The following MIA2 variants were observed in gnomAD, a reference collection of about 807,000 sequenced individuals.
MIA2 encodes the protein melanoma inhibitory activity protein 2.
A neutral mutation model predicts 167.8 loss-of-function variants in MIA2; 127 were observed. The observed-to-expected ratio is 0.76, with a 90% CI of 0.66 to 0.88. The LOEUF (loss-of-function observed/expected upper bound fraction) is 0.88, where lower values mean the gene tolerates loss of function less well. Among genes scored for constraint, MIA2 ranks in the 40% least tolerant of loss-of-function variants. The pLI is 0.00. For missense variants in MIA2, 1,690 were observed against 1,624.7 expected, an observed-to-expected ratio of 1.04 and a Z score of -0.69; for synonymous variants, 552 against 541.9, an observed-to-expected ratio of 1.02 and a Z score of -0.26.
chr14:39,368,285 A>G (rs762824589), intron 23 of MIA2, among the ~76,000 whole-genome samples: 22 of 152,182 alleles, frequency 1.4e-4, no homozygotes, highest in Non-Finnish European at 2.8e-4. Context: ...AGGAAGAAAA[A>G]TTGGGTGTAA....
chr14:39,278,659 A>G (rs1280908404), intron 7 of MIA2, among the ~76,000 whole-genome samples: 1 of 152,210 alleles, frequency 6.6e-6, no homozygotes. Flanking sequence ...CTATGGCCCT[A>G]TGGTAACATT....
intron 23 of MIA2, among the ~76,000 whole-genome samples, chr14:39,356,716 G>A (rs933275898): frequency 1.6e-4 from 24 of 152,170 alleles, no homozygotes; most frequent in Non-Finnish European, 2.9e-4. Flanking sequence ...TCTACACACT[G>A]CTTTGAATGT....
intron 18 of MIA2, among the ~76,000 whole-genome samples, 182 bp downstream of exon 18, chr14:39,308,769 G>GT (rs1291953273): frequency 2.0e-5 from 3 of 152,196 alleles, no homozygotes; most frequent in African/African-American, 4.8e-5. Context: ...AGAAAATATT[G>GT]TAAGTGATGT....
chr14:39,376,020 C>T (rs931628142), intron 23 of MIA2, among the ~76,000 whole-genome samples: 3 of 152,140 alleles, frequency 2.0e-5, no homozygotes, highest in African/African-American at 7.2e-5. Context: ...GTGGCACAAC[C>T]TCAGCTCACT....
At chr14:39,251,288 G>T (rs1426228186) in intron 4 of MIA2, among the ~76,000 whole-genome samples, 4 of 149,920 alleles carry the variant, frequency 2.7e-5, no homozygotes, top group African/African-American at 1.0e-4. Context: ...TTTACAAAAG[G>T]ATTCCAATTG....
At chr14:39,360,458 T>C (rs1320366163) in intron 23 of MIA2, among the ~76,000 whole-genome samples, 1 of 151,444 alleles carries the variant, frequency 6.6e-6, no homozygotes, top group Non-Finnish European at 1.5e-5. Context: ...TTTAATGTTT[T>C]TTTTTTTGTT....
At position 39,348,771 on chromosome 14, in the gene MIA2, C is replaced by G. The variant is rs773128481; in HGVS notation, c.3866C>G (p.Pro1289Arg). Reference sequence around the variant, plus strand: ...TTAAATGTGCCTGATTCATCTCTCCCTGCTGAAAATGAAGCCACTGGCCCT... The same window carrying G: ...TTAAATGTGCCTGATTCATCTCTCCGTGCTGAAAATGAAGCCACTGGCCCT... ...GNLNVPDSSL[P>R]AENEATGPGF... Residue 1289 changes from proline (P) to arginine (R), a missense_variant, in exon 28 of 29, where the codon CCT (proline) becomes CGT (arginine). By Grantham distance (103) the Pro-to-Arg change is moderately radical. Transcript: ENST00000640607. 1.2e-5 allele frequency: 20 copies of G among 1,613,934 alleles called. No homozygotes were observed. The highest frequency in any genetic ancestry group is 1.7e-5 in the Non-Finnish European group (20 of 1,179,838).
At chr14:39,241,940 C>G (rs978512249) in intron 3 of MIA2, among the ~76,000 whole-genome samples, 1 of 152,136 alleles carries the variant, frequency 6.6e-6, no homozygotes, top group Admixed American at 6.6e-5. Flanking sequence ...CAGGCTCTTT[C>G]CCAGCCTGGG....
Position 39,367,330 on chromosome 14 carries a change from G to A in MIA2, c.2248+18353G>A, listed in dbSNP as rs540603981. 1.8e-4 allele frequency among the ~76,000 whole-genome samples: 28 copies of A among 152,330 alleles called. No individual in the cohort carries two copies. The South Asian group carries it at 3.3e-3, about 18-fold the overall frequency. On this transcript the variant is annotated intron_variant, in intron 23 of 23. Transcript: ENST00000341502. ...GCAGCTTCAGGGATGTGGAGATGCAGGGGCTGTTGAGCCCTAGAGCAGAAG... is the reference window on the plus strand; with the variant it reads ...GCAGCTTCAGGGATGTGGAGATGCAAGGGCTGTTGAGCCCTAGAGCAGAAG...
intron 6 of MIA2, among the ~76,000 whole-genome samples, chr14:39,274,230 C>T (rs577772703): frequency 6.6e-6 from 1 of 152,122 alleles, no homozygotes; most frequent in East Asian, 1.9e-4. Context: ...TTCAGTTTAT[C>T]AGATTACATG....
At chr14:39,376,275 T>C (rs1286217824) in intron 23 of MIA2, among the ~76,000 whole-genome samples, 5 of 152,172 alleles carry the variant, frequency 3.3e-5, no homozygotes, top group African/African-American at 1.2e-4. Flanking sequence ...CATTTCTTTA[T>C]CTATAAAGTG....
chr14:39,349,049 T>C, intron 28 of MIA2, 72 bp downstream of exon 28: 4 of 1,529,872 alleles, frequency 2.6e-6, no homozygotes, highest in Non-Finnish European at 1.8e-6. Flanking sequence ...TTTTACTATC[T>C]GTTAATGTAG....
chr14:39,369,253 G>T (rs1472345482), intron 23 of MIA2, among the ~76,000 whole-genome samples: 1 of 152,184 alleles, frequency 6.6e-6, no homozygotes, highest in Non-Finnish European at 1.5e-5. Context: ...AGGCTGTTCA[G>T]ATGCCGGAAA....
At chr14:39,352,189 T>C (rs1028101018), downstream of MIA2, among the ~76,000 whole-genome samples, 1 of 146,862 alleles carries the variant, frequency 6.8e-6, no homozygotes, top group African/African-American at 2.5e-5. Context: ...CTCTTCAATA[T>C]TGTTTTTGGC....
At chr14:39,313,100 A>T (rs2064641556) in intron 18 of MIA2, among the ~76,000 whole-genome samples, 1 of 152,052 alleles carries the variant, frequency 6.6e-6, no homozygotes, top group African/African-American at 2.4e-5. Flanking sequence ...TTATATAGAA[A>T]ACTCTTGAAA....
At chr14:39,376,367 G>A (rs558965855) in intron 23 of MIA2, among the ~76,000 whole-genome samples, 64 of 152,288 alleles carry the variant, frequency 4.2e-4, no homozygotes, top group African/African-American at 1.4e-3. Flanking sequence ...ATTGTGTCAT[G>A]CTGTGGGTTG....
rs544117720 is a variant in MIA2 at position 39,356,868 on chromosome 14, G to C, written c.2248+7891G>C. ...TCCATGTAGTTGAGCAGTTTTGAGT[G>C]AGTTTCTTAATCCTGAGTTCTAGTT... On this transcript the variant is annotated intron_variant, in intron 23 of 23. Transcript: ENST00000341502. Among the ~76,000 whole-genome samples, 282 of 151,588 alleles carry C rather than the reference G, an allele frequency of 1.9e-3. 2 individuals are homozygous for C. The highest frequency in any genetic ancestry group is 6.4e-3 in the African/African-American group (264 of 41,532).
chr14:39,252,804 C>T lies in MIA2; in HGVS notation c.1624C>T (p.Pro542Ser), dbSNP rs761532277. 1 of 1,613,794 alleles carries T rather than the reference C, an allele frequency of 6.2e-7. No individual in the cohort carries two copies. Among genetic ancestry groups the T allele is most frequent in the Admixed American group, 1.7e-5 (1 of 60,008 alleles). The change falls in exon 5 of 29, where the codon CCC becomes TCC. Residue 542 changes from proline to serine, a missense_variant. Coordinates refer to ENST00000640607, the MANE Select transcript of MIA2 (RefSeq NM_001329214.4). ...TRIHEEVYFEPSSSKDSDENS... is the reference protein window; with the variant it reads ...TRIHEEVYFESSSSKDSDENS... ...AATTCACGAAGAAGTATATTTTGAA[C>T]CCTCATCTTCTAAAGATAGTGATGA...
chr14:39,265,472 G>T, intron 6 of MIA2: 1 of 1,476,388 alleles, frequency 6.8e-7, no homozygotes, highest in Admixed American at 1.8e-5. Flanking sequence ...TTGGAATTTT[G>T]CACTAAGTTT....
Sources: gnomAD v4.1 joint callset for allele counts (sites outside exome capture counted in the v4.1 genomes callset) on GRCh38, gnomAD v4.1.1 for gene constraint, MANE v1.5 for transcripts, NCBI Gene and HGNC (gene_info 2026-07-23, HGNC 2026-07-21) for gene names.